The following NOX5 variants were observed in gnomAD, a reference collection of about 807,000 sequenced individuals.
The protein encoded by NOX5 is NADPH oxidase 5, also known as NADPH oxidase, EF-hand calcium binding domain 5.
In NOX5, 76 loss-of-function variants were observed where a neutral mutation model predicts 85.7. The ratio of observed to expected loss-of-function variants is 0.89; its 90% confidence interval spans 0.74 to 1.07. The LOEUF (loss-of-function observed/expected upper bound fraction) is 1.07, where lower values mean the gene tolerates loss of function less well. NOX5 is among the 50% of genes least tolerant of loss of function. NOX5 has a pLI of 0.00. For synonymous variants in NOX5, 405 were observed against 401.4 expected (o/e 1.01, Z -0.11); for missense variants, 973 against 999.5 (o/e 0.97, Z 0.36).
intron 7 of NOX5, 119 bp from the exon 8 acceptor site, chr15:69,036,909 C>T (rs1442335537): frequency 1.8e-5 from 14 of 796,788 alleles, no homozygotes; most frequent in Non-Finnish European, 2.5e-5. Flanking sequence ...ACTCCATCCC[C>T]GGGAGAGAGT....
chr15:69,047,756 C>T, intron 12 of NOX5, 74 bp from the exon 13 acceptor site: 4 of 1,513,110 alleles, frequency 2.6e-6, no homozygotes, highest in East Asian at 2.3e-5. Flanking sequence ...TGCTCCCTGT[C>T]CCCTGAACTG....
In NOX5 at chr15:69,047,542, G is replaced by A; in HGVS notation, c.1817+5G>A. On this transcript the variant is annotated splice_donor_5th_base_variant and intron_variant, in intron 12 of 15. Coordinates refer to ENST00000388866, the MANE Select transcript of NOX5 (RefSeq NM_024505.4). ...TCTGCAGAGTATCATGTACAGGTGG[G>A]TGAACAGTGTGCTCCTGCCTGCATC... The A allele has an allele frequency of 3.7e-6, 6 of 1,612,896 alleles. No individual in the cohort carries two copies. The African/African-American group carries it at 5.3e-5, about 14-fold the overall frequency.
intron 11 of NOX5, 109 bp downstream of exon 11, chr15:69,046,975 T>C: frequency 8.8e-7 from 1 of 1,139,036 alleles, no homozygotes; most frequent in Non-Finnish European, 1.3e-6. Flanking sequence ...CTCAAGCTCC[T>C]CAAATCCTCA....
At chr15:69,022,323 C>T (rs2050305083) in intron 1 of NOX5, 1 of 173,042 alleles carries the variant, frequency 5.8e-6, no homozygotes, top group Non-Finnish European at 1.4e-5. Flanking sequence ...AAAGCATTTA[C>T]TGAAAGAGCT....
rs746307616 is a variant in NOX5, at chr15:69,047,371, G to A, written c.1693-42G>A. On this transcript the variant is annotated intron_variant, in intron 11 of 15. Transcript: ENST00000388866. ...TCCCCTGGTAGCAGGGGAGACCAGCGTCACCCCCCATCTCTCTTCTCTGAT... is the reference window on the plus strand; with the variant it reads ...TCCCCTGGTAGCAGGGGAGACCAGCATCACCCCCCATCTCTCTTCTCTGAT... The A allele has an allele frequency of 2.3e-5, 35 of 1,508,796 alleles. 1 individual carries two copies. The highest frequency in any genetic ancestry group is 2.3e-5 in the Non-Finnish European group (26 of 1,130,706). The allele number at this position is 1,508,796 out of a possible 1,614,324, so 93.5% of individuals were successfully genotyped here.
At chr15:69,041,045 C>T (rs1169179247) in intron 9 of NOX5, among the ~76,000 whole-genome samples, 17 of 152,116 alleles carry the variant, frequency 1.1e-4, no homozygotes, top group African/African-American at 3.6e-4. Context: ...GTCCTTGGAC[C>T]CTGGGAGAGT....
intron 11 of NOX5, 116 bp from the exon 12 acceptor site, chr15:69,047,297 C>T: frequency 5.8e-6 from 8 of 1,373,982 alleles, no homozygotes; most frequent in Non-Finnish European, 7.7e-6. Context: ...GCTTCCAGCC[C>T]AGGAGATGTC....
intron 2 of NOX5, 41 bp downstream of exon 2, chr15:69,026,692 A>G: frequency 1.9e-6 from 3 of 1,612,762 alleles, no homozygotes; most frequent in East Asian, 2.2e-5. Context: ...ATTTATCGTT[A>G]TGTGGCCTGG....
intron 10 of NOX5, chr15:69,045,849 A>G (rs183834705): frequency 2.0e-5 from 3 of 152,354 alleles, no homozygotes; most frequent in Admixed American, 2.0e-4. Context: ...GTCTCACAGC[A>G]TAACTCTCAA....
chr15:69,040,875 T>A (rs191883705), intron 9 of NOX5, among the ~76,000 whole-genome samples: 122 of 152,048 alleles, frequency 8.0e-4, no homozygotes, highest in Non-Finnish European at 1.5e-3. Context: ...TTTAGTAGAG[T>A]CTGGATTTCA....
At chr15:69,047,649 T>A in intron 12 of NOX5, 112 bp downstream of exon 12, 1 of 1,418,958 alleles carries the variant, frequency 7.0e-7, no homozygotes, top group Non-Finnish European at 9.6e-7. Context: ...TGTCTCTCTC[T>A]GCTCTTCTCT....
intron 7 of NOX5, 61 bp from the exon 8 acceptor site, chr15:69,036,967 G>A: frequency 1.5e-6 from 2 of 1,350,978 alleles, no homozygotes; most frequent in South Asian, 1.2e-5. Flanking sequence ...CTGAGTCCTG[G>A]CTCTGTTCCA....
intron 14 of NOX5, among the ~76,000 whole-genome samples, chr15:69,050,774 T>G (rs1345755875): frequency 6.6e-6 from 1 of 152,144 alleles, no homozygotes; most frequent in Non-Finnish European, 1.5e-5. Context: ...GAGGCTCACT[T>G]TTAACTTTTA....
intron 10 of NOX5, among the ~76,000 whole-genome samples, chr15:69,045,592 T>G (rs1042981223): frequency 6.8e-6 from 1 of 146,774 alleles, no homozygotes. Context: ...TTTTCTTTCT[T>G]TCTTTCTTTT....
intron 2 of NOX5, among the ~76,000 whole-genome samples, chr15:69,027,876 C>T (rs538182589): frequency 4.6e-5 from 7 of 152,182 alleles, no homozygotes; most frequent in Admixed American, 4.6e-4. Flanking sequence ...TCTGTCTGAC[C>T]CTTTCCCATG....
intron 10 of NOX5, among the ~76,000 whole-genome samples, chr15:69,045,283 TTTAAAC>T (rs1379577015): frequency 6.6e-6 from 1 of 152,258 alleles, no homozygotes. Flanking sequence ...CCAACATTAC[TTTAAAC>T]TTAATTGTAT....
At chr15:69,040,873 A>C (rs781173178) in intron 9 of NOX5, among the ~76,000 whole-genome samples, 16 of 151,968 alleles carry the variant, frequency 1.1e-4, no homozygotes, top group Non-Finnish European at 1.8e-4. Flanking sequence ...TTTTTAGTAG[A>C]GTCTGGATTT....
intron 1 of NOX5, among the ~76,000 whole-genome samples, chr15:69,016,685 T>C (rs941935262): frequency 6.6e-6 from 1 of 152,162 alleles, no homozygotes; most frequent in East Asian, 1.9e-4. Context: ...TCCTATGCCC[T>C]GTCACAACTC....
At chr15:69,042,540 G>C in intron 9 of NOX5, 123 bp from the exon 10 acceptor site, 1 of 1,020,470 alleles carries the variant, frequency 9.8e-7, no homozygotes, top group Non-Finnish European at 1.4e-6. Flanking sequence ...TCCTGAGGAA[G>C]GACATTCAAA....
Sources: allele counts gnomAD v4.1 joint callset (sites outside exome capture counted in the v4.1 genomes callset), GRCh38; gene constraint gnomAD v4.1.1; transcripts MANE v1.5; gene names NCBI Gene and HGNC (gene_info 2026-07-23, HGNC 2026-07-21).